Variants in HMCN1 observed in about 807,000 individuals in gnomAD.
HMCN1 encodes hemicentin 1.
HMCN1 carries 321 observed loss-of-function variants against 625.9 expected under a neutral mutation model. The ratio of observed to expected loss-of-function variants is 0.51; its 90% confidence interval spans 0.47 to 0.56. The LOEUF (loss-of-function observed/expected upper bound fraction) is 0.56, where lower values mean the gene tolerates loss of function less well. Ranked by LOEUF, HMCN1 falls within the 20% of genes least tolerant of loss-of-function variation. HMCN1 has a pLI of 0.00. For missense variants in HMCN1, 6,588 were observed against 6,887.3 expected (o/e 0.96, Z 1.54); for synonymous variants, 2,425 against 2,417.6 (o/e 1.00, Z -0.09).
rs118099288 is a variant in HMCN1 at position 186,104,893 on chromosome 1, A to G, written c.10770+1225A>G. Among the ~76,000 whole-genome samples the G allele has an allele frequency of 8.3e-3, 1,268 of 152,322 alleles. 21 individuals carry two copies. Among genetic ancestry groups the G allele is most frequent in the South Asian group, 0.042 (205 of 4,830 alleles). Reference sequence around the variant, plus strand: ...TGAATGATATAATTTCAACAAACAAAAAGTAGGCAAAAGAATTTGTGACAT... The same window carrying G: ...TGAATGATATAATTTCAACAAACAAGAAGTAGGCAAAAGAATTTGTGACAT... On this transcript the variant is annotated intron_variant, in intron 69 of 106. Transcript: ENST00000271588.
intron 24 of HMCN1, among the ~76,000 whole-genome samples, 193 bp from the exon 25 acceptor site, chr1:185,997,232 TTTTG>T (rs1473954895): frequency 1.3e-5 from 2 of 152,056 alleles, no homozygotes; most frequent in Non-Finnish European, 2.9e-5. Flanking sequence ...AAATAATGAA[TTTTG>T]TTTGGAGAAT....
chr1:185,817,823 T>C (rs764147334), intron 1 of HMCN1, among the ~76,000 whole-genome samples: 5 of 152,190 alleles, frequency 3.3e-5, no homozygotes, highest in Non-Finnish European at 7.3e-5. Context: ...ATCACCAGGC[T>C]GTGTAGAGCA....
intron 80 of HMCN1, among the ~76,000 whole-genome samples, chr1:186,122,152 A>T (rs146945346): frequency 6.6e-6 from 1 of 152,342 alleles, no homozygotes; most frequent in East Asian, 1.9e-4. Flanking sequence ...TCCAAAAGCA[A>T]TCGGAGATAA....
intron 1 of HMCN1, among the ~76,000 whole-genome samples, chr1:185,773,821 G>A (rs1199989542): frequency 6.6e-6 from 1 of 152,122 alleles, no homozygotes; most frequent in Non-Finnish European, 1.5e-5. Context: ...TAGAGTAAGA[G>A]CTGTAAAAGA....
chr1:185,872,867 A>G (rs1022097851), intron 4 of HMCN1, among the ~76,000 whole-genome samples: 3 of 152,172 alleles, frequency 2.0e-5, no homozygotes, highest in Non-Finnish European at 2.9e-5. Flanking sequence ...AAGTTTCACT[A>G]TGAAAGTATT....
chr1:186,157,381 A>C (rs1355238992), intron 97 of HMCN1, among the ~76,000 whole-genome samples: 1 of 152,262 alleles, frequency 6.6e-6, no homozygotes, highest in East Asian at 1.9e-4. Context: ...AAAATAACTC[A>C]TAATAACATT....
At chr1:186,168,981 T>C (rs909367553) in intron 100 of HMCN1, among the ~76,000 whole-genome samples, 12 of 152,198 alleles carry the variant, frequency 7.9e-5, no homozygotes, top group East Asian at 7.8e-4. Context: ...TGTGTTCTCA[T>C]TGTTCAACTC....
chr1:186,107,092 C>CTTT, intron 70 of HMCN1, 127 bp downstream of exon 70: 1 of 567,498 alleles, frequency 1.8e-6, no homozygotes, highest in Non-Finnish European at 3.2e-6. Flanking sequence ...AAATCTGAAT[C>CTTT]TTTTTTTTTT....
chr1:186,110,428 A>G (rs1660821091), intron 71 of HMCN1, among the ~76,000 whole-genome samples: 1 of 152,196 alleles, frequency 6.6e-6, no homozygotes. Flanking sequence ...AGCCAAGGAA[A>G]AGTGGAGGGG....
At chr1:185,984,998 CT>C (rs540573074) in intron 19 of HMCN1, among the ~76,000 whole-genome samples, 185 of 152,024 alleles carry the variant, frequency 1.2e-3, no homozygotes, top group African/African-American at 4.1e-3. Context: ...AGCTGAATAT[CT>C]GAGGGAAGAA....
At chr1:185,747,408 T>G (rs1654490763) in intron 1 of HMCN1, among the ~76,000 whole-genome samples, 1 of 151,850 alleles carries the variant, frequency 6.6e-6, no homozygotes, top group East Asian at 1.9e-4. Flanking sequence ...AACCTCCACC[T>G]CCTTGGTTCA....
At chr1:186,065,072 A>AT (rs1658019288) in intron 48 of HMCN1, among the ~76,000 whole-genome samples, 166 bp from the exon 49 acceptor site, 1 of 152,190 alleles carries the variant, frequency 6.6e-6, no homozygotes, top group Non-Finnish European at 1.5e-5. Context: ...AACCATTATT[A>AT]TTATAAAATA....
At chr1:185,903,559 T>TA (rs1159207997) in intron 4 of HMCN1, among the ~76,000 whole-genome samples, 1 of 151,778 alleles carries the variant, frequency 6.6e-6, no homozygotes, top group Non-Finnish European at 1.5e-5. Context: ...TATGAGCACT[T>TA]ACTATTGTTA....
intron 4 of HMCN1, among the ~76,000 whole-genome samples, chr1:185,907,111 C>A (rs563365151): frequency 6.6e-6 from 1 of 151,646 alleles, no homozygotes; most frequent in Non-Finnish European, 1.5e-5. Flanking sequence ...TTTGATAAGC[C>A]GAGTGATCCA....
intron 99 of HMCN1, 66 bp downstream of exon 99, chr1:186,166,369 A>G (rs1651880681): frequency 1.9e-6 from 3 of 1,587,300 alleles, no homozygotes; most frequent in South Asian, 1.1e-5. Flanking sequence ...TAGAAAAAGT[A>G]TGATAGACCC....
In HMCN1 at chr1:186,053,054, A is replaced by T; in HGVS notation, c.6680A>T (p.Asn2227Ile). The change falls in exon 43 of 107, where the codon AAT (asparagine) becomes ATT (isoleucine). Residue 2227 changes from asparagine to isoleucine, a missense_variant. This residue lies in a region of HMCN1 where 4,628 missense variants were observed against 4,853.1 expected (regional missense o/e 0.95). Coordinates refer to ENST00000271588, the MANE Select transcript of HMCN1 (RefSeq NM_031935.3). ...LCESSGIPPPNLIWKKKGSPV... is the reference protein window; with the variant it reads ...LCESSGIPPPILIWKKKGSPV... ...GAATCAAGTGGTATTCCACCCCCAAATCTCATCTGGAAGAAGAAAGGTCAG... is the reference window on the plus strand; with the variant it reads ...GAATCAAGTGGTATTCCACCCCCAATTCTCATCTGGAAGAAGAAAGGTCAG... The T allele has an allele frequency of 6.2e-7, 1 of 1,609,970 alleles. No individual in the cohort carries two copies. Among genetic ancestry groups the T allele is most frequent in the Non-Finnish European group, 8.5e-7 (1 of 1,176,948 alleles).
chr1:186,132,559 G>A lies in HMCN1; in HGVS notation c.13312+150G>A, dbSNP rs1661998124. On this transcript the variant is annotated intron_variant, in intron 86 of 106. Transcript: ENST00000271588. ...GTTTTCTGCTGCTGATGGAGCAGTT[G>A]TCATCAAACATAAATCTGATAACAC... 1.3e-5 allele frequency: 9 copies of A among 691,144 alleles called. No homozygotes were observed. In the Admixed American group the frequency reaches 1.9e-4, roughly 15 times the overall value. 42.8% of individuals were successfully genotyped at this position (691,144 alleles called of 1,614,324 possible).
At chr1:186,037,102 G>T (rs1238085126) in intron 36 of HMCN1, among the ~76,000 whole-genome samples, 1 of 150,992 alleles carries the variant, frequency 6.6e-6, no homozygotes, top group African/African-American at 2.4e-5. Flanking sequence ...TTGTATGTGG[G>T]TCGAGGGTCT....
chr1:186,005,590 C>G (rs1241494246), intron 29 of HMCN1, among the ~76,000 whole-genome samples: 3 of 149,680 alleles, frequency 2.0e-5, no homozygotes, highest in Non-Finnish European at 3.0e-5. Flanking sequence ...AAAATAAAAA[C>G]AAAAATGTGT....
Sources: gnomAD v4.1 joint callset for allele counts (sites outside exome capture counted in the v4.1 genomes callset) on GRCh38, gnomAD v4.1.1 for gene constraint, gnomAD v4.1.1 regional missense constraint, MANE v1.5 for transcripts, NCBI Gene and HGNC (gene_info 2026-07-23, HGNC 2026-07-21) for gene names.